The following HSD17B12 variants were observed in gnomAD, a reference collection of about 807,000 sequenced individuals.
HSD17B12 encodes hydroxysteroid 17-beta dehydrogenase 12.
In HSD17B12, 32 loss-of-function variants were observed where a neutral mutation model predicts 39.3. The ratio of observed to expected loss-of-function variants is 0.81; its 90% CI spans 0.61 to 1.09. The LOEUF is 1.09. Among genes scored for constraint, HSD17B12 ranks in the 50% least tolerant of loss-of-function variants. HSD17B12 has a pLI of 0.00. For synonymous variants in HSD17B12, 150 were observed against 146.7 expected (o/e 1.02, Z -0.16); for missense variants, 342 against 382.9 (o/e 0.89, Z 0.89).
intron 1 of HSD17B12, among the ~76,000 whole-genome samples, chr11:43,708,907 G>A (rs1011103532): frequency 1.3e-5 from 2 of 152,148 alleles, no homozygotes; most frequent in African/African-American, 4.8e-5. Flanking sequence ...TCTCGCCCGT[G>A]CTTTTTCTGG....
intron 9 of HSD17B12, among the ~76,000 whole-genome samples, chr11:43,846,622 A>C (rs1368661845): frequency 6.6e-6 from 1 of 152,176 alleles, no homozygotes; most frequent in East Asian, 1.9e-4. Context: ...CTGAGATCAC[A>C]CCCCTGCATA....
At chr11:43,712,965 C>T (rs1166389063) in intron 1 of HSD17B12, among the ~76,000 whole-genome samples, 3 of 152,144 alleles carry the variant, frequency 2.0e-5, no homozygotes. Context: ...TCAGAAATAT[C>T]ACACTGTTTT....
chr11:43,746,000 A>T lies in HSD17B12; in HGVS notation c.161-4911A>T, dbSNP rs544671252. ...ACTCTAGCCTGGGTGACAGAGCAAG[A>T]CCCTGACTCTTAAAAATAAACAAAC... On this transcript the variant is annotated intron_variant, in intron 1 of 10. Transcript: ENST00000278353. Among the ~76,000 whole-genome samples, 37 of 152,288 alleles carry T rather than the reference A, an allele frequency of 2.4e-4. No individual in the cohort carries two copies. The South Asian group carries it at 7.7e-3, about 32-fold the overall frequency.
intron 1 of HSD17B12, among the ~76,000 whole-genome samples, chr11:43,694,197 A>G (rs752990493): frequency 6.6e-6 from 1 of 152,156 alleles, no homozygotes; most frequent in African/African-American, 2.4e-5. Flanking sequence ...TTTCCATGTA[A>G]TATACCAAGA....
the HSD17B12 span, among the ~76,000 whole-genome samples, chr11:43,669,969 T>C: frequency 6.6e-6 from 1 of 152,156 alleles, no homozygotes; most frequent in Non-Finnish European, 1.5e-5. Flanking sequence ...AGGGGATTTG[T>C]AATGGAATAC....
chr11:43,657,478 T>C, the HSD17B12 span, among the ~76,000 whole-genome samples: 2 of 152,368 alleles, frequency 1.3e-5, no homozygotes, highest in Admixed American at 1.3e-4. Flanking sequence ...GATTAGTTGA[T>C]GCAGTTTCTT....
At chr11:43,737,779 T>C (rs1950329554) in intron 1 of HSD17B12, among the ~76,000 whole-genome samples, 1 of 152,102 alleles carries the variant, frequency 6.6e-6, no homozygotes, top group Non-Finnish European at 1.5e-5. Context: ...GAGACAAGAA[T>C]AGTGAACTGT....
chr11:43,714,220 T>C (rs1271836703), intron 1 of HSD17B12, among the ~76,000 whole-genome samples: 1 of 152,226 alleles, frequency 6.6e-6, no homozygotes, highest in Non-Finnish European at 1.5e-5. Context: ...CTGAATGGTA[T>C]TGCCTAGGTT....
chr11:43,822,232 T>G (rs535379323), intron 6 of HSD17B12, among the ~76,000 whole-genome samples: 27 of 152,306 alleles, frequency 1.8e-4, no homozygotes, highest in Non-Finnish European at 3.7e-4. Context: ...TGCAAAATAC[T>G]GTTCTGTTTT....
chr11:43,759,874 T>C (rs1950541421), intron 3 of HSD17B12, among the ~76,000 whole-genome samples: 1 of 151,848 alleles, frequency 6.6e-6, no homozygotes, highest in African/African-American at 2.4e-5. Flanking sequence ...ACTACAGGCT[T>C]GTACCACCAC....
rs1198217945 is a variant in HSD17B12, at chr11:43,856,313, T to C, written c.*1065T>C. On this transcript the variant is annotated 3_prime_UTR_variant, in exon 11 of 11. Transcript: ENST00000278353. ...GTATGGAGAACTCACCAAGAAAGAA[T>C]TCAATACTGTGAAATATGCAGCAAG... The C allele has an allele frequency of 1.3e-5, 2 of 152,214 alleles. No homozygotes were observed. Among genetic ancestry groups the C allele is most frequent in the Non-Finnish European group, 2.9e-5 (2 of 68,040 alleles). The allele number at this position is 152,214 out of a possible 1,614,324, so 9.4% of individuals were successfully genotyped here.
chr11:43,633,763 T>C, the HSD17B12 span, among the ~76,000 whole-genome samples: 2 of 151,800 alleles, frequency 1.3e-5, no homozygotes, highest in Admixed American at 6.6e-5. Context: ...CATCTTCCCT[T>C]GTCCACATCA....
the HSD17B12 span, among the ~76,000 whole-genome samples, chr11:43,674,486 C>A: frequency 1.3e-5 from 2 of 152,172 alleles, no homozygotes; most frequent in African/African-American, 4.8e-5. Context: ...TAAATGTGTA[C>A]ATTTTAAATA....
intron 9 of HSD17B12, among the ~76,000 whole-genome samples, chr11:43,842,959 A>T (rs935351201): frequency 1.3e-5 from 2 of 152,200 alleles, no homozygotes; most frequent in Non-Finnish European, 2.9e-5. Context: ...TCTTTTCTCC[A>T]GATTTTCCAC....
the HSD17B12 span, among the ~76,000 whole-genome samples, chr11:43,584,277 A>G: frequency 1.9e-3 from 288 of 152,224 alleles, 2 homozygotes; most frequent in African/African-American, 6.5e-3. Flanking sequence ...GCATGGGTTG[A>G]TTCAGATGTG....
chr11:43,791,818 G>A (rs1466843355), intron 3 of HSD17B12, among the ~76,000 whole-genome samples: 4 of 152,252 alleles, frequency 2.6e-5, no homozygotes, highest in Middle Eastern at 3.4e-3. Context: ...TCTAGTTAAA[G>A]AGGCTATAAT....
intron 9 of HSD17B12, among the ~76,000 whole-genome samples, chr11:43,841,408 T>TA (rs1157776137): frequency 6.6e-6 from 1 of 152,222 alleles, no homozygotes; most frequent in Non-Finnish European, 1.5e-5. Context: ...TAGTCCAGTT[T>TA]ATCTATTTTT....
the HSD17B12 span, among the ~76,000 whole-genome samples, chr11:43,568,445 T>C: frequency 7.9e-5 from 12 of 152,116 alleles, no homozygotes; most frequent in Non-Finnish European, 1.8e-4. Context: ...CTCGAGGCAA[T>C]TAATTACATG....
intron 4 of HSD17B12, chr11:43,806,386 T>A (rs1951018213): frequency 1.3e-5 from 2 of 152,140 alleles, no homozygotes; most frequent in African/African-American, 4.8e-5. Context: ...ATATCTGCAC[T>A]CTATGTTTAT....
Sources: allele counts gnomAD v4.1 joint callset (sites outside exome capture counted in the v4.1 genomes callset), GRCh38; gene constraint gnomAD v4.1.1; transcripts MANE v1.5; gene names NCBI Gene and HGNC (gene_info 2026-07-23, HGNC 2026-07-21).